The following EPB41 variants were observed in gnomAD, a reference collection of about 807,000 sequenced individuals.
The protein encoded by EPB41 is erythrocyte membrane protein band 4.1.
Under a neutral mutation model 108.0 loss-of-function variants are expected in EPB41, and 65 were observed. That is an observed-to-expected ratio of 0.60 (90% CI 0.49 to 0.74). EPB41 has a LOEUF of 0.74. EPB41 is among the 30% of genes least tolerant of loss of function. The pLI, the probability that EPB41 is intolerant of heterozygous loss-of-function variation, is 0.00. For synonymous variants in EPB41, 336 were observed against 358.9 expected, an observed-to-expected ratio of 0.94 and a Z score of 0.72; for missense variants, 875 against 1,037.0, an observed-to-expected ratio of 0.84 and a Z score of 2.15.
At chr1:29,109,754 C>G in intron 18 of EPB41, 1 of 393,950 alleles carries the variant, frequency 2.5e-6, no homozygotes, top group South Asian at 2.2e-5. Context: ...GTCAGCATGG[C>G]CAGGCATGGT....
At chr1:29,094,980 A>C (rs969760537) in intron 16 of EPB41, among the ~76,000 whole-genome samples, 2 of 152,236 alleles carry the variant, frequency 1.3e-5, no homozygotes, top group African/African-American at 4.8e-5. Context: ...ATACCTAATA[A>C]AATATAAATG....
chr1:28,902,504 C>T (rs2091410743), intron 1 of EPB41, among the ~76,000 whole-genome samples: 1 of 152,158 alleles, frequency 6.6e-6, no homozygotes, highest in African/African-American at 2.4e-5. Context: ...TGGAACTTTC[C>T]CCTTCCCAGC....
intron 1 of EPB41, among the ~76,000 whole-genome samples, chr1:28,894,239 G>C (rs976232828): frequency 6.6e-6 from 1 of 152,190 alleles, no homozygotes; most frequent in South Asian, 2.1e-4. Flanking sequence ...TTCACCAGGT[G>C]CTGTATCTTC....
intron 1 of EPB41, chr1:28,985,920 G>A (rs1481142103): frequency 2.0e-5 from 3 of 150,666 alleles, no homozygotes; most frequent in African/African-American, 7.3e-5. Context: ...ATGCTGGTGC[G>A]CTGCACCCAC....
At chr1:29,056,013 G>A (rs1645344983) in intron 12 of EPB41, among the ~76,000 whole-genome samples, 1 of 150,784 alleles carries the variant, frequency 6.6e-6, no homozygotes, top group Non-Finnish European at 1.5e-5. Flanking sequence ...GAGGCAGGCG[G>A]ATCACAAGGT....
intron 15 of EPB41, among the ~76,000 whole-genome samples, chr1:29,063,679 G>C (rs1646901555): frequency 6.6e-6 from 1 of 152,114 alleles, no homozygotes; most frequent in Admixed American, 6.5e-5. Context: ...AATTCACCAA[G>C]CATATTAGGA....
chr1:28,929,518 C>G (rs1315576585), intron 1 of EPB41, among the ~76,000 whole-genome samples: 1 of 151,544 alleles, frequency 6.6e-6, no homozygotes, highest in Non-Finnish European at 1.5e-5. Flanking sequence ...GCGTGAGCCA[C>G]TGCGCCCGGC....
Position 29,029,327 on chromosome 1 carries a change from A to G in EPB41, c.1125-1073A>G, listed in dbSNP as rs187004109. 1.1e-3 allele frequency among the ~76,000 whole-genome samples: 161 copies of G among 152,322 alleles called. No homozygotes were observed. The Middle Eastern group carries it at 0.02, about 19-fold the overall frequency. ...GAAAATAAGTTTGTTCATGAAGGCTAAATCAGTAGCAAATCTGCACCCTGT... is the reference window on the plus strand; with the variant it reads ...GAAAATAAGTTTGTTCATGAAGGCTGAATCAGTAGCAAATCTGCACCCTGT... On this transcript the variant is annotated intron_variant, in intron 7 of 20. Transcript: ENST00000343067.
intron 1 of EPB41, among the ~76,000 whole-genome samples, chr1:28,942,242 A>G (rs1424970770): frequency 6.6e-6 from 1 of 152,170 alleles, no homozygotes. Flanking sequence ...ATTCACTTCA[A>G]TTCTGACACT....
intron 4 of EPB41, among the ~76,000 whole-genome samples, chr1:29,001,381 A>AGG (rs1557980148): frequency 6.6e-6 from 1 of 152,018 alleles, no homozygotes; most frequent in African/African-American, 2.4e-5. Context: ...CTGGATGGGT[A>AGG]TCACAGTCTG....
chr1:29,058,559 GT>G, intron 12 of EPB41, 29 bp from the exon 13 acceptor site: 1 of 1,601,428 alleles, frequency 6.2e-7, no homozygotes, highest in Non-Finnish European at 8.5e-7. Flanking sequence ...AACCTAAAAT[GT>G]TTTTACTACT....
At chr1:28,912,763 G>A (rs1303025760), upstream of EPB41, among the ~76,000 whole-genome samples, 5 of 151,554 alleles carry the variant, frequency 3.3e-5, no homozygotes, top group African/African-American at 9.7e-5. Context: ...GATTACAGGT[G>A]CCTGCCACCA....
chr1:28,984,898 A>T (rs2095839703), intron 1 of EPB41, among the ~76,000 whole-genome samples: 1 of 152,144 alleles, frequency 6.6e-6, no homozygotes, highest in South Asian at 2.1e-4. Context: ...AGCTCAAGTG[A>T]TCCTCCTGCC....
chr1:28,984,325 G>A (rs1032847758), intron 1 of EPB41, among the ~76,000 whole-genome samples: 9 of 152,136 alleles, frequency 5.9e-5, no homozygotes, highest in South Asian at 4.1e-4. Context: ...TCAGAGACCC[G>A]TCCTTTTCTG....
chr1:29,070,507 C>T, intron 16 of EPB41: 1 of 1,232,136 alleles, frequency 8.1e-7, no homozygotes, highest in Non-Finnish European at 1.0e-6. Flanking sequence ...ACAAGTCTCT[C>T]AAAAAGTGCC....
At chr1:29,084,487 C>T (rs967571908) in intron 16 of EPB41, among the ~76,000 whole-genome samples, 3 of 152,144 alleles carry the variant, frequency 2.0e-5, no homozygotes, top group Admixed American at 6.5e-5. Flanking sequence ...TATAGCTTAA[C>T]GGATGTAGTG....
chr1:29,104,501 G>A (rs1230231541), intron 17 of EPB41, among the ~76,000 whole-genome samples: 2 of 152,084 alleles, frequency 1.3e-5, no homozygotes, highest in South Asian at 2.1e-4. Context: ...CTGCAGCCTC[G>A]ACCTTTTGGG....
At position 29,109,342 on chromosome 1, in the gene EPB41, G is replaced by T; in HGVS notation, c.2320G>T (p.Asp774Tyr). The T allele has an allele frequency of 6.2e-7, 1 of 1,613,960 alleles. No homozygotes were observed. The highest frequency in any genetic ancestry group is 1.7e-5 in the Admixed American group (1 of 60,012). The change falls in exon 18 of 21, where the codon GAC becomes TAC. Residue 774 changes from aspartate (D) to tyrosine (Y), a missense_variant. By Grantham distance (160) the Asp-to-Tyr change is radical (BLOSUM62 -3). Around this residue, in one of 3 missense-constraint regions of EPB41, gnomAD observed 519 missense variants for 627.3 expected, o/e 0.83. Transcript: ENST00000343067. The stretch of plus-strand genomic sequence containing the variant: ...GCCATGCTTTCTTCTGCAGACTGAC[G>T]ACAACAGTGGAGACTTGGACCCAGG... ...TITYEAAQTDDNSGDLDPGVL... is the reference protein window; with the variant it reads ...TITYEAAQTDYNSGDLDPGVL...
At chr1:28,931,983 T>C (rs1394124178) in intron 1 of EPB41, among the ~76,000 whole-genome samples, 1 of 152,242 alleles carries the variant, frequency 6.6e-6, no homozygotes, top group Non-Finnish European at 1.5e-5. Flanking sequence ...GTAAGTAATC[T>C]TAAGAGATGA....
Sources: allele counts gnomAD v4.1 joint callset (sites outside exome capture counted in the v4.1 genomes callset), GRCh38; gene constraint gnomAD v4.1.1; regional missense constraint gnomAD v4.1.1; transcripts MANE v1.5; gene names NCBI Gene and HGNC (gene_info 2026-07-23, HGNC 2026-07-21).